The following PTPRN2 variants were observed in gnomAD, a reference collection of about 807,000 sequenced individuals.
The protein encoded by PTPRN2 is receptor-type tyrosine-protein phosphatase N2.
A neutral mutation model predicts 118.8 loss-of-function variants in PTPRN2; 74 were observed. The observed-to-expected ratio is 0.62, with a 90% confidence interval of 0.52 to 0.76. The LOEUF (loss-of-function observed/expected upper bound fraction) is 0.76, where lower values mean the gene tolerates loss of function less well. Ranked by LOEUF, PTPRN2 falls within the 30% of genes least tolerant of loss-of-function variation. The pLI, the probability that PTPRN2 is intolerant of heterozygous loss-of-function variation, is 0.00. For missense variants in PTPRN2, 1,481 were observed against 1,394.4 expected (o/e 1.06, Z -0.99); for synonymous variants, 641 against 608.0 (o/e 1.05, Z -0.80).
chr7:157,915,493 C>T (rs1048065892), intron 11 of PTPRN2, among the ~76,000 whole-genome samples: 14 of 139,108 alleles, frequency 1.0e-4, no homozygotes, highest in South Asian at 4.8e-4. Context: ...CAGCGCTGAA[C>T]GCAAGCAGTT....
intron 11 of PTPRN2, among the ~76,000 whole-genome samples, chr7:157,979,646 G>A (rs1327559939): frequency 1.3e-5 from 2 of 152,186 alleles, no homozygotes; most frequent in African/African-American, 4.8e-5. Context: ...CCAGAGCGAC[G>A]CTGCCTCCGG....
rs779069258 is a variant in PTPRN2 at position 158,136,622 on chromosome 7, A to G, written c.1173+33T>C. ...AAAAAGATCACCAACTTCCACATTT[A>G]ACATGAAACAAACACCAGAGACGTC... is the stretch of plus-strand genomic sequence containing the variant. On this transcript the variant is annotated intron_variant, in intron 8 of 22. Transcript: ENST00000389418. The G allele has an allele frequency of 1.9e-6, 3 of 1,602,378 alleles. No individual in the cohort carries two copies. The African/African-American group carries it at 4.0e-5, about 21-fold the overall frequency.
intron 9 of PTPRN2, among the ~76,000 whole-genome samples, chr7:158,125,692 G>A (rs902232552): frequency 6.6e-6 from 1 of 152,160 alleles, no homozygotes; most frequent in African/African-American, 2.4e-5. Context: ...CCCTCAGGAG[G>A]GGCCTCTACA....
intron 3 of PTPRN2, among the ~76,000 whole-genome samples, chr7:158,262,882 CAT>C (rs1265998106): frequency 1.7e-4 from 18 of 108,840 alleles, no homozygotes; most frequent in East Asian, 1.6e-3. Context: ...ACTGCACACA[CAT>C]ACATTCACAC....
chr7:158,063,458 A>G (rs538133078), intron 11 of PTPRN2, among the ~76,000 whole-genome samples: 32 of 152,344 alleles, frequency 2.1e-4, no homozygotes, highest in African/African-American at 5.8e-4. Context: ...AATCAGCAGG[A>G]TGTGGGTGGG....
At chr7:158,221,976 G>A (rs1828415635) in intron 3 of PTPRN2, among the ~76,000 whole-genome samples, 1 of 152,170 alleles carries the variant, frequency 6.6e-6, no homozygotes, top group South Asian at 2.1e-4. Flanking sequence ...TAGGAAAAAT[G>A]TTCATCATTA....
At chr7:157,726,918 C>T (rs1235723471) in intron 12 of PTPRN2, among the ~76,000 whole-genome samples, 1 of 152,170 alleles carries the variant, frequency 6.6e-6, no homozygotes, top group Admixed American at 6.5e-5. Context: ...TTGGCGTCAC[C>T]AAAATCATTG....
At chr7:158,211,252 A>C (rs1046106839) in intron 3 of PTPRN2, among the ~76,000 whole-genome samples, 3 of 152,228 alleles carry the variant, frequency 2.0e-5, no homozygotes, top group Non-Finnish European at 4.4e-5. Context: ...TCCCTAGTAC[A>C]CTGGATAGTG....
At chr7:157,562,390 C>T (rs1233397192) in intron 21 of PTPRN2, among the ~76,000 whole-genome samples, 1 of 152,172 alleles carries the variant, frequency 6.6e-6, no homozygotes, top group African/African-American at 2.4e-5. Flanking sequence ...CCGTGTGGCC[C>T]CCAGGACCTG....
chr7:158,480,235 T>C (rs2129444860), intron 2 of PTPRN2, among the ~76,000 whole-genome samples: 1 of 152,278 alleles, frequency 6.6e-6, no homozygotes, highest in South Asian at 2.1e-4. Flanking sequence ...TGTGCTACCT[T>C]TTGGTAATTT....
In PTPRN2 at chr7:158,393,423, G is replaced by A. The variant is rs138920472; in HGVS notation, c.164-76491C>T. On this transcript the variant is annotated intron_variant, in intron 2 of 22. Coordinates refer to ENST00000389418, the MANE Select transcript of PTPRN2 (RefSeq NM_002847.5). ...CGCTCTGGGAGACGCCTTGCAGGAC[G>A]ACCCCGGGCAACTTCAGCCTCCACA... 1.8e-3 allele frequency among the ~76,000 whole-genome samples: 279 copies of A among 152,290 alleles called. 2 individuals are homozygous for A. Among genetic ancestry groups the A allele is most frequent in the African/African-American group, 6.2e-3 (257 of 41,552 alleles).
intron 2 of PTPRN2, among the ~76,000 whole-genome samples, chr7:158,387,363 G>C (rs1042499689): frequency 6.6e-6 from 1 of 152,272 alleles, no homozygotes. Context: ...GGGCTGAGGT[G>C]GGGCCAGGAC....
intron 6 of PTPRN2, among the ~76,000 whole-genome samples, chr7:158,153,538 C>T (rs1425083022): frequency 1.3e-5 from 2 of 152,144 alleles, no homozygotes; most frequent in Non-Finnish European, 2.9e-5. Flanking sequence ...GAGGTTTGAG[C>T]AGCGGGGCAC....
At chr7:158,254,697 G>A (rs552267840) in intron 3 of PTPRN2, among the ~76,000 whole-genome samples, 1 of 152,068 alleles carries the variant, frequency 6.6e-6, no homozygotes, top group East Asian at 1.9e-4. Flanking sequence ...ACTGGACAGT[G>A]GCACAGAGCC....
In PTPRN2 at chr7:157,977,085, T is replaced by C. The variant is rs76428076; in HGVS notation, c.1724-78348A>G. ...GAGTAGGTATGGAAAATAAAACAGA[T>C]GCAAGGGTAGGAACCACAGCTAATA... On this transcript the variant is annotated intron_variant, in intron 11 of 22. Transcript: ENST00000389418. This position sits in a 1 kb window ranked among gnomAD's most constrained non-coding sequence, Gnocchi z 4.6. Among the ~76,000 whole-genome samples, 6,375 of 152,028 alleles carry C rather than the reference T, an allele frequency of 0.042. 452 individuals carry two copies. The highest frequency in any genetic ancestry group is 0.15 in the African/African-American group (6,032 of 41,522).
intron 2 of PTPRN2, among the ~76,000 whole-genome samples, chr7:158,341,493 G>C (rs1393226163): frequency 3.9e-5 from 5 of 129,376 alleles, no homozygotes; most frequent in African/African-American, 6.3e-5. Flanking sequence ...ACCATAATTG[G>C]TGACACGTGC....
At chr7:158,331,786 A>G (rs1482465498) in intron 2 of PTPRN2, among the ~76,000 whole-genome samples, 3 of 149,694 alleles carry the variant, frequency 2.0e-5, no homozygotes, top group South Asian at 2.1e-4. Flanking sequence ...GCTGTCACGC[A>G]CAGACATCAC....
At chr7:158,032,752 G>A (rs1027568197) in intron 11 of PTPRN2, among the ~76,000 whole-genome samples, 1 of 152,174 alleles carries the variant, frequency 6.6e-6, no homozygotes, top group African/African-American at 2.4e-5. Flanking sequence ...CACATGCAGG[G>A]CAGATGGGGC....
chr7:158,315,647 G>C (rs1421394095), intron 3 of PTPRN2, among the ~76,000 whole-genome samples: 1 of 152,258 alleles, frequency 6.6e-6, no homozygotes, highest in Non-Finnish European at 1.5e-5. Flanking sequence ...GAAACGGCCA[G>C]ATGTGTGATT....
Sources: gnomAD v4.1 joint callset for allele counts (sites outside exome capture counted in the v4.1 genomes callset) on GRCh38, gnomAD v4.1.1 for gene constraint, Gnocchi (gnomAD v3.1) non-coding constraint, MANE v1.5 for transcripts, NCBI Gene and HGNC (gene_info 2026-07-23, HGNC 2026-07-21) for gene names.